The following PRTFDC1 variants were observed in gnomAD, a reference collection of about 807,000 sequenced individuals.
The protein encoded by PRTFDC1 is phosphoribosyl transferase domain containing 1, also known as phosphoribosyltransferase domain-containing protein 1.
Under a neutral mutation model 34.6 loss-of-function variants are expected in PRTFDC1, and 38 were observed. That is an observed-to-expected ratio of 1.10 (90% CI 0.85 to 1.44). The LOEUF is 1.44. Among genes scored for constraint, PRTFDC1 ranks in the 40% most tolerant of loss-of-function variants. PRTFDC1 has a pLI of 0.00. For missense variants in PRTFDC1, 270 were observed against 283.0 expected, an observed-to-expected ratio of 0.95 and a Z score of 0.33; for synonymous variants, 93 against 98.1, an observed-to-expected ratio of 0.95 and a Z score of 0.31.
At chr10:24,921,755 A>G (rs545902930) in intron 3 of PRTFDC1, among the ~76,000 whole-genome samples, 20 of 152,228 alleles carry the variant, frequency 1.3e-4, no homozygotes, top group Admixed American at 5.2e-4. Flanking sequence ...AAAAATGTCA[A>G]AACTGTCCTC....
At chr10:24,927,025 G>A (rs963346058) in intron 3 of PRTFDC1, among the ~76,000 whole-genome samples, 89 of 152,226 alleles carry the variant, frequency 5.8e-4, no homozygotes, top group African/African-American at 2.1e-3. Flanking sequence ...TGTAAGGAGT[G>A]ATAACAAAAA....
At chr10:24,850,704 C>A (rs1294369992) in intron 8 of PRTFDC1, among the ~76,000 whole-genome samples, 2 of 152,072 alleles carry the variant, frequency 1.3e-5, no homozygotes, top group African/African-American at 4.8e-5. Flanking sequence ...CAAGGATGAG[C>A]TGGGCAATGA....
chr10:24,939,484 A>C (rs1849113764), intron 2 of PRTFDC1, among the ~76,000 whole-genome samples: 1 of 152,096 alleles, frequency 6.6e-6, no homozygotes, highest in South Asian at 2.1e-4. Context: ...GGATTAAAAA[A>C]AGATCTAACT....
chr10:24,849,959 A>G (rs1175759739), intron 8 of PRTFDC1, 68 bp from the exon 9 acceptor site: 1 of 1,448,172 alleles, frequency 6.9e-7, no homozygotes, highest in Non-Finnish European at 9.7e-7. Context: ...AAGGTGATGC[A>G]GTAATAACCG....
intron 1 of PRTFDC1, among the ~76,000 whole-genome samples, chr10:24,951,224 C>A (rs1349616643): frequency 2.6e-5 from 4 of 151,980 alleles, no homozygotes; most frequent in Non-Finnish European, 4.4e-5. Context: ...AGCATCACTC[C>A]CCCCTTCTCC....
chr10:24,919,489 G>A (rs1029682766), intron 3 of PRTFDC1, among the ~76,000 whole-genome samples: 2 of 152,108 alleles, frequency 1.3e-5, no homozygotes, highest in African/African-American at 2.4e-5. Context: ...AACTCCAGAT[G>A]GATTAAAGAC....
chr10:24,899,508 A>G (rs1349534451), intron 3 of PRTFDC1, among the ~76,000 whole-genome samples: 1 of 152,082 alleles, frequency 6.6e-6, no homozygotes, highest in African/African-American at 2.4e-5. Flanking sequence ...CTGACCAACG[A>G]CCGCATCCTC....
chr10:24,922,611 C>T (rs1189551156), intron 3 of PRTFDC1, among the ~76,000 whole-genome samples: 4 of 152,190 alleles, frequency 2.6e-5, no homozygotes, highest in African/African-American at 4.8e-5. Flanking sequence ...TGCCTTCTGC[C>T]ATGATTGTGA....
intron 1 of PRTFDC1, among the ~76,000 whole-genome samples, chr10:24,945,529 A>C (rs1028368431): frequency 1.3e-5 from 2 of 152,204 alleles, no homozygotes; most frequent in Admixed American, 6.5e-5. Flanking sequence ...ATCATAGCTC[A>C]CTGCAGCCTC....
intron 3 of PRTFDC1, among the ~76,000 whole-genome samples, chr10:24,877,744 C>T (rs1246087732): frequency 6.6e-6 from 1 of 152,148 alleles, no homozygotes; most frequent in Non-Finnish European, 1.5e-5. Context: ...CTTCACCCTC[C>T]TGAGTAGCTG....
At chr10:24,951,152 G>A (rs939424537) in intron 1 of PRTFDC1, among the ~76,000 whole-genome samples, 1 of 152,042 alleles carries the variant, frequency 6.6e-6, no homozygotes, top group Non-Finnish European at 1.5e-5. Context: ...CTACTCCTGT[G>A]TACCCTTCAG....
rs376280434 is a variant in PRTFDC1, at chr10:24,942,395, C to T, written c.90G>A (p.Thr30=). ...AGTCTCCATAATAGTGCTGTGGGTA[C>T]GTGAATAAATTCAAGTCATACCCTG... ...DWPGYDLNLF[T]YPQHYYGDLE... Residue 30 remains threonine (T), a synonymous_variant, in exon 2 of 9, where the codon ACG becomes ACA. Coordinates refer to ENST00000320152, the MANE Select transcript of PRTFDC1 (RefSeq NM_020200.7). The T allele has an allele frequency of 4.1e-5, 66 of 1,613,620 alleles. No individual in the cohort carries two copies. The highest frequency in any genetic ancestry group is 6.7e-5 in the Admixed American group (4 of 59,988).
At chr10:24,939,793 CAAAA>C (rs55974992) in intron 2 of PRTFDC1, among the ~76,000 whole-genome samples, 1 of 71,538 alleles carries the variant, frequency 1.4e-5, no homozygotes, top group Non-Finnish European at 2.6e-5. Flanking sequence ...GACTCTATCT[CAAAA>C]AAAAAAAAAA....
At chr10:24,862,299 A>G (rs1847692446) in intron 4 of PRTFDC1, among the ~76,000 whole-genome samples, 1 of 152,164 alleles carries the variant, frequency 6.6e-6, no homozygotes, top group Admixed American at 6.6e-5. Flanking sequence ...TATCCAACCT[A>G]TACCATGGAT....
intron 3 of PRTFDC1, among the ~76,000 whole-genome samples, chr10:24,906,286 G>T (rs1227158060): frequency 1.3e-5 from 2 of 152,156 alleles, no homozygotes; most frequent in African/African-American, 4.8e-5. Flanking sequence ...AAAAGCCTCT[G>T]CCTCTGTCTC....
intron 3 of PRTFDC1, among the ~76,000 whole-genome samples, chr10:24,872,717 A>G (rs1426238179): frequency 7.7e-5 from 4 of 52,148 alleles, no homozygotes; most frequent in Non-Finnish European, 1.6e-4. Flanking sequence ...AATATATATA[A>G]TACACAAAAT....
At chr10:24,912,201 A>G (rs139582207) in intron 3 of PRTFDC1, among the ~76,000 whole-genome samples, 2,777 of 131,534 alleles carry the variant, frequency 0.021, 102 homozygotes, top group African/African-American at 0.073. Flanking sequence ...CCCAGGAGGC[A>G]GAGGTTGCAG....
At chr10:24,854,790 G>A (rs1424886052) in intron 7 of PRTFDC1, among the ~76,000 whole-genome samples, 1 of 152,140 alleles carries the variant, frequency 6.6e-6, no homozygotes, top group African/African-American at 2.4e-5. Flanking sequence ...TGGAGGTGAA[G>A]GGGAGCTGTC....
chr10:24,878,542 T>A (rs1848009313), intron 3 of PRTFDC1, among the ~76,000 whole-genome samples: 1 of 152,146 alleles, frequency 6.6e-6, no homozygotes, highest in Non-Finnish European at 1.5e-5. Flanking sequence ...AGAGGATGTG[T>A]GGATTTACTT....
Sources: allele counts gnomAD v4.1 joint callset (sites outside exome capture counted in the v4.1 genomes callset), GRCh38; gene constraint gnomAD v4.1.1; transcripts MANE v1.5; gene names NCBI Gene and HGNC (gene_info 2026-07-23, HGNC 2026-07-21).